KPNA4: variants seen among roughly 807,000 people sequenced by gnomAD.
The protein encoded by KPNA4 is importin subunit alpha-3.
In KPNA4, 13 loss-of-function variants were observed where a neutral mutation model predicts 71.3. The ratio of observed to expected loss-of-function variants is 0.18; its 90% CI spans 0.12 to 0.29. KPNA4 has a LOEUF of 0.29. KPNA4 is among the 10% of genes least tolerant of loss of function. The pLI is 1.00. For missense variants in KPNA4, 334 were observed against 603.2 expected (o/e 0.55, Z 4.67); for synonymous variants, 189 against 195.2 (o/e 0.97, Z 0.26).
chr3:160,538,763 C>T (rs1360568437), intron 1 of KPNA4, among the ~76,000 whole-genome samples: 2 of 152,118 alleles, frequency 1.3e-5, no homozygotes, highest in African/African-American at 2.4e-5. Context: ...CACACCAACT[C>T]TGCTATTTCT....
intron 1 of KPNA4, among the ~76,000 whole-genome samples, chr3:160,562,018 T>TA (rs1239818441): frequency 2.6e-5 from 4 of 152,134 alleles, no homozygotes; most frequent in Non-Finnish European, 5.9e-5. Flanking sequence ...TACACAAAGT[T>TA]AGAGATCAAA....
chr3:160,532,718 CTA>C (rs1401263483), intron 5 of KPNA4, among the ~76,000 whole-genome samples: 2 of 152,188 alleles, frequency 1.3e-5, no homozygotes, highest in African/African-American at 4.8e-5. Flanking sequence ...CCTATATAAA[CTA>C]TGTGATGGCT....
Position 160,536,809 on chromosome 3 carries a change from A to T in KPNA4, c.101T>A (p.Val34Asp), listed in dbSNP as rs1286423512. The change falls in exon 2 of 17, where the codon GTT becomes GAT. Residue 34 changes from valine to aspartate, a missense_variant. Physicochemically the swap from Val to Asp is radical, Grantham distance 152. Coordinates refer to ENST00000334256, the MANE Select transcript of KPNA4 (RefSeq NM_002268.5). ...AATCAGACTCACCTTCCTTAATTCA[A>T]CTACAACTTCATTTCGTTGTCTTCT... ...TMRRQRNEVV[V>D]ELRKNKRDEH... The T allele has an allele frequency of 6.3e-7, 1 of 1,583,478 alleles. No individual in the cohort carries two copies. Among genetic ancestry groups the T allele is most frequent in the Non-Finnish European group, 8.7e-7 (1 of 1,155,726 alleles).
At chr3:160,558,538 T>C (rs1722183044) in intron 1 of KPNA4, among the ~76,000 whole-genome samples, 1 of 152,168 alleles carries the variant, frequency 6.6e-6, no homozygotes, top group Non-Finnish European at 1.5e-5. Flanking sequence ...AACCCAGACC[T>C]AAGTGACTCT....
At chr3:160,556,289 T>C (rs902922498) in intron 1 of KPNA4, among the ~76,000 whole-genome samples, 5 of 152,246 alleles carry the variant, frequency 3.3e-5, no homozygotes, top group African/African-American at 1.2e-4. Flanking sequence ...TTTGAGGAAC[T>C]GCCAAACTGC....
chr3:160,515,702 C>T, intron 11 of KPNA4, 122 bp from the exon 12 acceptor site: 1 of 1,080,060 alleles, frequency 9.3e-7, no homozygotes. Context: ...GTAACCTCTG[C>T]CTCTCAGGCT....
intron 1 of KPNA4, among the ~76,000 whole-genome samples, chr3:160,537,818 G>C (rs1175793659): frequency 6.6e-6 from 1 of 151,638 alleles, no homozygotes; most frequent in Non-Finnish European, 1.5e-5. Flanking sequence ...AGCAAATCCT[G>C]TTGGTTCAAC....
chr3:160,541,504 G>GT (rs1282894217), intron 1 of KPNA4, among the ~76,000 whole-genome samples: 1 of 151,984 alleles, frequency 6.6e-6, no homozygotes, highest in Non-Finnish European at 1.5e-5. Context: ...GAGATCTTCT[G>GT]TGTGGTGACT....
intron 8 of KPNA4, 148 bp downstream of exon 8, chr3:160,527,805 C>CA (rs1721487325): frequency 2.0e-6 from 1 of 511,088 alleles, no homozygotes; most frequent in Non-Finnish European, 3.6e-6. Context: ...TATGCTTTTA[C>CA]AGTAATACAG....
chr3:160,524,835 G>A (rs1048268084), intron 10 of KPNA4, among the ~76,000 whole-genome samples: 1 of 152,098 alleles, frequency 6.6e-6, no homozygotes, highest in Non-Finnish European at 1.5e-5. Context: ...GTCACTGTTT[G>A]ATACAGTAAA....
intron 14 of KPNA4, among the ~76,000 whole-genome samples, chr3:160,508,665 C>A (rs925492726): frequency 6.6e-6 from 1 of 151,730 alleles, no homozygotes; most frequent in African/African-American, 2.4e-5. Context: ...TGGGGTCTCA[C>A]TATGTTGCGC....
intron 1 of KPNA4, among the ~76,000 whole-genome samples, chr3:160,551,423 A>G (rs1722038246): frequency 6.6e-6 from 1 of 152,218 alleles, no homozygotes; most frequent in Admixed American, 6.5e-5. Flanking sequence ...GATTAGTGAA[A>G]ACTTAACTGA....
At position 160,496,314 on chromosome 3, in the gene KPNA4, G is replaced by A. The variant is rs1489167770; in HGVS notation, c.*5790C>T. ...ACTATGCACAAAGGATGGGGGAAAG[G>A]TGGCTCACAGGGCTTAAACATCAGA... On this transcript the variant is annotated 3_prime_UTR_variant, in exon 17 of 17. Coordinates refer to ENST00000334256, the MANE Select transcript of KPNA4 (RefSeq NM_002268.5). 1 of 152,312 alleles carries A rather than the reference G, an allele frequency of 6.6e-6. No individual in the cohort carries two copies. The highest frequency in any genetic ancestry group is 6.5e-5 in the Admixed American group (1 of 15,276). 9.4% of individuals were successfully genotyped at this position (152,312 alleles called of 1,614,324 possible).
In KPNA4 at chr3:160,509,780, T is replaced by C. The variant is rs768035103; in HGVS notation, c.1209+20A>G. ...TATTTTACCAGTTTTGAGAAATAAA[T>C]TTTAAAAAGCTCAACTTACTTGATC... On this transcript the variant is annotated intron_variant, in intron 14 of 16. Transcript: ENST00000334256. 2 of 1,469,632 alleles carry C rather than the reference T, an allele frequency of 1.4e-6. No individual in the cohort carries two copies. Among genetic ancestry groups the C allele is most frequent in the Non-Finnish European group, 1.9e-6 (2 of 1,049,398 alleles). 91.0% of individuals were successfully genotyped at this position (1,469,632 alleles called of 1,614,324 possible).
Position 160,565,513 on chromosome 3 carries a change from G to T in KPNA4, c.-231C>A, listed in dbSNP as rs893826917. On this transcript the variant is annotated 5_prime_UTR_variant, in exon 1 of 17. Transcript: ENST00000334256. The stretch of plus-strand genomic sequence containing the variant: ...CTCCGGCAAAGACAACTGTGGGGCC[G>T]GGCGGCGGCAAGGCGACGGAATGTG... 2 of 538,748 alleles carry T rather than the reference G, an allele frequency of 3.7e-6. No homozygotes were observed. The highest frequency in any genetic ancestry group is 3.3e-5 in the East Asian group (1 of 30,018). The allele number at this position is 538,748 out of a possible 1,614,324, so 33.4% of individuals were successfully genotyped here.
At position 160,498,881 on chromosome 3, in the gene KPNA4, A is replaced by C. The variant is rs1047520746; in HGVS notation, c.*3223T>G. On this transcript the variant is annotated 3_prime_UTR_variant, in exon 17 of 17. Transcript: ENST00000334256. ...ACACTAAATTTATGGTAATTATACC[A>C]AAATTACACAGCAGTTATTCTCTAA... 3 of 152,252 alleles carry C rather than the reference A, an allele frequency of 2.0e-5. No homozygotes were observed. Among genetic ancestry groups the C allele is most frequent in the African/African-American group, 7.2e-5 (3 of 41,470 alleles). 9.4% of individuals were successfully genotyped at this position (152,252 alleles called of 1,614,324 possible).
At chr3:160,523,942 T>C (rs1721411167) in intron 10 of KPNA4, among the ~76,000 whole-genome samples, 1 of 152,196 alleles carries the variant, frequency 6.6e-6, no homozygotes, top group African/African-American at 2.4e-5. Flanking sequence ...CTGAGTTTCT[T>C]TTCTGGAATA....
chr3:160,536,375 T>C (rs888496797), intron 2 of KPNA4, among the ~76,000 whole-genome samples: 1 of 152,254 alleles, frequency 6.6e-6, no homozygotes, highest in Admixed American at 6.5e-5. Flanking sequence ...CTTAAAATGC[T>C]TGGAGCAAAT....
chr3:160,510,572 A>G (rs919314951), intron 13 of KPNA4, among the ~76,000 whole-genome samples: 4 of 152,158 alleles, frequency 2.6e-5, no homozygotes, highest in African/African-American at 9.7e-5. Flanking sequence ...GTATTAAAAA[A>G]CCACATAAAT....
Sources: allele counts gnomAD v4.1 joint callset (sites outside exome capture counted in the v4.1 genomes callset), GRCh38; gene constraint gnomAD v4.1.1; transcripts MANE v1.5; gene names NCBI Gene and HGNC (gene_info 2026-07-23, HGNC 2026-07-21).